The following KALRN variants were observed in gnomAD, a reference collection of about 807,000 sequenced individuals.
KALRN encodes the protein kalirin RhoGEF kinase.
A neutral mutation model predicts 353.7 loss-of-function variants in KALRN; 70 were observed. That is an observed-to-expected ratio of 0.20 (90% CI 0.16 to 0.24). KALRN has a LOEUF of 0.24. Among genes scored for constraint, KALRN ranks in the 10% least tolerant of loss-of-function variants. KALRN has a pLI of 1.00. For missense variants in KALRN, 2,791 were observed against 3,756.7 expected, an observed-to-expected ratio of 0.74 and a Z score of 6.72; for synonymous variants, 1,391 against 1,434.8, an observed-to-expected ratio of 0.97 and a Z score of 0.69.
At chr3:124,387,944 G>A (rs1253386262) in intron 11 of KALRN, among the ~76,000 whole-genome samples, 1 of 152,010 alleles carries the variant, frequency 6.6e-6, no homozygotes. Context: ...TCTGTATGAG[G>A]TCCCCTTTAA....
At chr3:124,171,364 G>A (rs1398025626) in intron 1 of KALRN, among the ~76,000 whole-genome samples, 2 of 152,186 alleles carry the variant, frequency 1.3e-5, no homozygotes, top group African/African-American at 4.8e-5. Flanking sequence ...TGACAAGTCT[G>A]GCAATTGGTG....
chr3:124,343,370 G>A (rs894442053), intron 9 of KALRN, among the ~76,000 whole-genome samples: 2 of 152,072 alleles, frequency 1.3e-5, no homozygotes, highest in African/African-American at 4.8e-5. Context: ...ATGTTACAGA[G>A]GCTTGTCTCA....
At chr3:124,598,732 A>G (rs67294407) in intron 34 of KALRN, among the ~76,000 whole-genome samples, 37,144 of 152,060 alleles carry the variant, frequency 0.24, 4,724 homozygotes, top group East Asian at 0.33. Context: ...GCTGGAGTGC[A>G]GTGGCTCAAT....
intron 6 of KALRN, among the ~76,000 whole-genome samples, chr3:124,323,091 C>CA (rs34950959): frequency 0.32 from 49,190 of 151,914 alleles, 8,083 homozygotes; most frequent in Admixed American, 0.37. Flanking sequence ...GATAAGGAAA[C>CA]AAAAAAAGCA....
chr3:124,662,410 A>G (rs913695963), intron 45 of KALRN, among the ~76,000 whole-genome samples: 1 of 151,850 alleles, frequency 6.6e-6, no homozygotes, highest in African/African-American at 2.4e-5. Context: ...GGGTTTTGCC[A>G]TGTTGCCAGG....
chr3:124,192,723 G>A (rs530459918), intron 1 of KALRN, among the ~76,000 whole-genome samples: 1 of 152,336 alleles, frequency 6.6e-6, no homozygotes, highest in East Asian at 1.9e-4. Flanking sequence ...ATGGATGTGT[G>A]TGCACAGAGG....
At chr3:124,430,625 A>G (rs2093228371) in intron 15 of KALRN, 31 bp from the exon 16 acceptor site, 1 of 1,612,398 alleles carries the variant, frequency 6.2e-7, no homozygotes, top group African/African-American at 1.3e-5. Flanking sequence ...GCGGAAGGCC[A>G]TTCACCTGTG....
chr3:124,603,916 A>C (rs2077056405), intron 34 of KALRN, among the ~76,000 whole-genome samples: 1 of 152,136 alleles, frequency 6.6e-6, no homozygotes, highest in South Asian at 2.1e-4. Context: ...CTTCAGATGG[A>C]GCCTGGTGAT....
chr3:124,610,450 A>C (rs2077808417), intron 34 of KALRN, among the ~76,000 whole-genome samples: 1 of 152,132 alleles, frequency 6.6e-6, no homozygotes, highest in Non-Finnish European at 1.5e-5. Context: ...GAGTAATTGT[A>C]GAGGGCTCTG....
chr3:124,149,237 C>T (rs574217042), intron 1 of KALRN, among the ~76,000 whole-genome samples: 8 of 152,164 alleles, frequency 5.3e-5, no homozygotes, highest in Non-Finnish European at 1.0e-4. Context: ...TGTCTCATAA[C>T]CACAGGTGTC....
At chr3:124,456,803 G>A in intron 23 of KALRN, 75 bp downstream of exon 23, 1 of 985,770 alleles carries the variant, frequency 1.0e-6, no homozygotes, top group East Asian at 2.6e-5. Flanking sequence ...TGTCCCTTTG[G>A]ATAGCTTAAT....
chr3:124,517,476 T>C (rs1248145485), intron 33 of KALRN, among the ~76,000 whole-genome samples: 3 of 152,250 alleles, frequency 2.0e-5, no homozygotes, highest in Non-Finnish European at 4.4e-5. Flanking sequence ...TACTCTGGAA[T>C]TGATCCTGAA....
intron 1 of KALRN, among the ~76,000 whole-genome samples, chr3:124,081,199 G>T (rs927022917): frequency 6.6e-6 from 1 of 152,174 alleles, no homozygotes; most frequent in Non-Finnish European, 1.5e-5. Flanking sequence ...AACGGCACAC[G>T]TTGCTCCTGG....
At chr3:124,269,810 G>T (rs1402604010) in intron 5 of KALRN, among the ~76,000 whole-genome samples, 2 of 152,188 alleles carry the variant, frequency 1.3e-5, no homozygotes, top group Non-Finnish European at 2.9e-5. Context: ...CTCTTGACAT[G>T]CAGGGAAACG....
chr3:124,180,782 C>T (rs886080655), intron 1 of KALRN, among the ~76,000 whole-genome samples: 3 of 152,150 alleles, frequency 2.0e-5, no homozygotes, highest in South Asian at 2.1e-4. Flanking sequence ...GCTCTCCTTC[C>T]TCCGAGTTCT....
At chr3:124,090,395 C>CCTCCTGCTGCCTGG (rs2061047465) in intron 1 of KALRN, among the ~76,000 whole-genome samples, 1 of 152,190 alleles carries the variant, frequency 6.6e-6, no homozygotes, top group African/African-American at 2.4e-5. Flanking sequence ...TCTGCCTTTC[C>CCTCCTGCTGCCTGG]CTCCTGCTGC....
chr3:124,530,343 C>T lies in KALRN; in HGVS notation c.4936-32500C>T, dbSNP rs185343423. ...GGTCCAAAAGTTAGAATGATCTCGC[C>T]TCCCTTTTTATCTCTGTCCAACACC... On this transcript the variant is annotated intron_variant, in intron 33 of 59. Transcript: ENST00000682506. Among the ~76,000 whole-genome samples the T allele has an allele frequency of 4.6e-3, 702 of 152,144 alleles. 4 individuals are homozygous for T. Among genetic ancestry groups the T allele is most frequent in the Admixed American group, 0.018 (279 of 15,274 alleles).
chr3:124,355,709 C>CTTTTTTTTTTTTTTTTTTTTTTTTTTTT, intron 10 of KALRN, among the ~76,000 whole-genome samples: 1 of 97,446 alleles, frequency 1.0e-5, no homozygotes, highest in South Asian at 3.9e-4. Context: ...TCTCTCCCAT[C>CTTTTTTTTTTTTTTTTTTTTTTTTTTTT]TTTTTTTTTT....
intron 51 of KALRN, among the ~76,000 whole-genome samples, chr3:124,691,938 A>T (rs976634530): frequency 3.4e-4 from 52 of 152,168 alleles, no homozygotes; most frequent in African/African-American, 1.2e-3. Context: ...AGTAGGTTCT[A>T]CCAGATGTTC....
Sources: gnomAD v4.1 joint callset for allele counts (sites outside exome capture counted in the v4.1 genomes callset) on GRCh38, gnomAD v4.1.1 for gene constraint, MANE v1.5 for transcripts, NCBI Gene and HGNC (gene_info 2026-07-23, HGNC 2026-07-21) for gene names.